Variants in MACROD2 observed in about 807,000 individuals in gnomAD.
The protein encoded by MACROD2 is ADP-ribose glycohydrolase MACROD2.
In MACROD2, 36 loss-of-function variants were observed where a neutral mutation model predicts 70.4. That is an observed-to-expected ratio of 0.51 (90% CI 0.39 to 0.68). MACROD2 has a LOEUF of 0.68. MACROD2 is among the 30% of genes least tolerant of loss of function. The pLI is 0.00. For synonymous variants in MACROD2, 172 were observed against 178.8 expected (o/e 0.96, Z 0.30); for missense variants, 496 against 538.4 (o/e 0.92, Z 0.78).
At chr20:14,428,901 A>G (rs1329159298) in intron 3 of MACROD2, among the ~76,000 whole-genome samples, 1 of 152,160 alleles carries the variant, frequency 6.6e-6, no homozygotes, top group Non-Finnish European at 1.5e-5. Flanking sequence ...TGACTCATAA[A>G]TATTATGCTT....
At chr20:15,164,757 C>T (rs972232891) in intron 5 of MACROD2, among the ~76,000 whole-genome samples, 2 of 151,954 alleles carry the variant, frequency 1.3e-5, no homozygotes, top group African/African-American at 4.8e-5. Context: ...AAAAGTTAGC[C>T]AGGCATGGTG....
intron 3 of MACROD2, among the ~76,000 whole-genome samples, chr20:14,368,929 T>C (rs1159719921): frequency 6.6e-6 from 1 of 152,248 alleles, no homozygotes; most frequent in Non-Finnish European, 1.5e-5. Context: ...ATTTTTAAGC[T>C]CTGTCTTAGC....
At chr20:14,149,086 C>A (rs1016654751) in intron 3 of MACROD2, among the ~76,000 whole-genome samples, 19 of 151,964 alleles carry the variant, frequency 1.3e-4, no homozygotes, top group African/African-American at 4.4e-4. Flanking sequence ...AAGTATGGAG[C>A]ATAGTACCCC....
At chr20:15,646,372 G>A (rs1250204911) in intron 8 of MACROD2, among the ~76,000 whole-genome samples, 1 of 152,178 alleles carries the variant, frequency 6.6e-6, no homozygotes, top group Non-Finnish European at 1.5e-5. Flanking sequence ...TTTATTGATA[G>A]AGAATGGCTA....
At chr20:14,802,074 G>T (rs556467667) in intron 5 of MACROD2, among the ~76,000 whole-genome samples, 23 of 152,106 alleles carry the variant, frequency 1.5e-4, no homozygotes, top group Middle Eastern at 6.8e-3. Flanking sequence ...CTTGAGTGTG[G>T]CTGGCAAGGG....
chr20:14,933,308 C>T (rs373280744), intron 5 of MACROD2, among the ~76,000 whole-genome samples: 42 of 152,258 alleles, frequency 2.8e-4, no homozygotes, highest in African/African-American at 9.6e-4. Flanking sequence ...AAAATGCTAG[C>T]ATTGGGTCTT....
chr20:14,665,001 AT>A (rs2070721741), intron 4 of MACROD2, among the ~76,000 whole-genome samples: 1 of 152,098 alleles, frequency 6.6e-6, no homozygotes, highest in Non-Finnish European at 1.5e-5. Context: ...CAGCACTCGG[AT>A]TTCAACTAGT....
At chr20:15,788,492 T>A (rs1568561549) in intron 8 of MACROD2, among the ~76,000 whole-genome samples, 1 of 152,220 alleles carries the variant, frequency 6.6e-6, no homozygotes, top group Non-Finnish European at 1.5e-5. Context: ...ATGATGACCT[T>A]CTCACCAATG....
chr20:15,151,338 C>T (rs772133560), intron 5 of MACROD2, among the ~76,000 whole-genome samples: 7 of 152,014 alleles, frequency 4.6e-5, no homozygotes, highest in East Asian at 1.9e-4. Context: ...CTGGCTGCTG[C>T]GGTTCAGGCG....
chr20:14,912,818 C>T (rs1021331740), intron 5 of MACROD2, among the ~76,000 whole-genome samples: 1 of 152,164 alleles, frequency 6.6e-6, no homozygotes, highest in Non-Finnish European at 1.5e-5. Context: ...GTCTACTCTT[C>T]TCTGCACTCA....
At chr20:14,407,694 C>A (rs1255172192) in intron 3 of MACROD2, among the ~76,000 whole-genome samples, 1 of 152,098 alleles carries the variant, frequency 6.6e-6, no homozygotes, top group South Asian at 2.1e-4. Context: ...CTACCAATGT[C>A]TTAGCTGGAT....
chr20:14,826,509 A>G (rs1296526804), intron 5 of MACROD2, among the ~76,000 whole-genome samples: 1 of 152,010 alleles, frequency 6.6e-6, no homozygotes, highest in Non-Finnish European at 1.5e-5. Flanking sequence ...TTTACTGTTT[A>G]TTTCCAAATT....
intron 8 of MACROD2, among the ~76,000 whole-genome samples, chr20:15,577,091 A>G (rs920177841): frequency 1.3e-5 from 2 of 152,174 alleles, no homozygotes; most frequent in African/African-American, 4.8e-5. Context: ...TCATATTACG[A>G]ATGCAAAATA....
At chr20:14,337,389 A>G (rs1263247524) in intron 3 of MACROD2, 1 of 372,542 alleles carries the variant, frequency 2.7e-6, no homozygotes, top group African/African-American at 2.1e-5. Flanking sequence ...AAGAAAAAAC[A>G]TGGAAAACAC....
chr20:15,233,093 G>C (rs1186568698), intron 6 of MACROD2, among the ~76,000 whole-genome samples: 4 of 151,410 alleles, frequency 2.6e-5, no homozygotes, highest in African/African-American at 9.7e-5. Context: ...TGTGTGATTT[G>C]AGAATACTCT....
At chr20:15,695,647 G>A (rs2050357882) in intron 8 of MACROD2, among the ~76,000 whole-genome samples, 1 of 152,072 alleles carries the variant, frequency 6.6e-6, no homozygotes, top group Non-Finnish European at 1.5e-5. Flanking sequence ...CTGACCTCGT[G>A]ATCCACCCGC....
intron 3 of MACROD2, among the ~76,000 whole-genome samples, chr20:14,322,202 T>TATATATATATATATATATATATA (rs1568553958): frequency 2.4e-4 from 13 of 53,746 alleles, no homozygotes; most frequent in Non-Finnish European, 5.5e-4. Flanking sequence ...ATATATATAT[T>TATATATATATATATATATATATA]TTGTATTTTG....
At chr20:15,036,812 CA>C (rs1315345509) in intron 5 of MACROD2, among the ~76,000 whole-genome samples, 5 of 151,754 alleles carry the variant, frequency 3.3e-5, no homozygotes, top group African/African-American at 1.2e-4. Flanking sequence ...ACGAACTGTA[CA>C]AAAGTTTGCA....
rs369791120 is a variant in MACROD2, at chr20:15,933,243, T to C, written c.776-33T>C. ...AGAGATATTTCACAAATTGACTTGA[T>C]GCATTTTTTTTCCTCTGTGGTTTTC... On this transcript the variant is annotated intron_variant, in intron 10 of 17. Coordinates refer to ENST00000684519, the MANE Select transcript of MACROD2 (RefSeq NM_001351661.2). 5.6e-6 allele frequency: 9 copies of C among 1,605,194 alleles called. No individual in the cohort carries two copies. The African/African-American group carries it at 9.4e-5, about 17-fold the overall frequency.
Sources: allele counts gnomAD v4.1 joint callset (sites outside exome capture counted in the v4.1 genomes callset), GRCh38; gene constraint gnomAD v4.1.1; transcripts MANE v1.5; gene names NCBI Gene and HGNC (gene_info 2026-07-23, HGNC 2026-07-21).